EPB41L4A: variants seen among roughly 807,000 people sequenced by gnomAD.
EPB41L4A encodes the protein band 4.1-like protein 4A.
EPB41L4A carries 100 observed loss-of-function variants against 108.6 expected under a neutral mutation model. The observed-to-expected ratio is 0.92, with a 90% CI of 0.78 to 1.09. The LOEUF (loss-of-function observed/expected upper bound fraction) is 1.09. EPB41L4A is among the 50% of genes least tolerant of loss of function. EPB41L4A has a pLI of 0.00. For synonymous variants in EPB41L4A, 319 were observed against 289.0 expected (o/e 1.10, Z -1.05); for missense variants, 1,030 against 842.7 (o/e 1.22, Z -2.75).
intron 4 of EPB41L4A, among the ~76,000 whole-genome samples, chr5:112,269,743 G>A (rs1287537121): frequency 6.6e-6 from 1 of 152,154 alleles, no homozygotes; most frequent in Admixed American, 6.5e-5. Context: ...CCATACTGGG[G>A]AAAAATGCTA....
At chr5:112,214,534 C>T (rs920183009) in intron 12 of EPB41L4A, among the ~76,000 whole-genome samples, 26 of 152,130 alleles carry the variant, frequency 1.7e-4, no homozygotes, top group African/African-American at 5.5e-4. Flanking sequence ...GAGGCCGAGG[C>T]GGGCGGATCA....
chr5:112,370,008 T>C (rs1759383381), intron 1 of EPB41L4A, among the ~76,000 whole-genome samples: 1 of 152,142 alleles, frequency 6.6e-6, no homozygotes, highest in Non-Finnish European at 1.5e-5. Context: ...GCAACTTTTC[T>C]GTCTTCCAAA....
chr5:112,240,911 A>G, intron 9 of EPB41L4A, 101 bp from the exon 10 acceptor site: 1 of 651,802 alleles, frequency 1.5e-6, no homozygotes, highest in Non-Finnish European at 2.6e-6. Flanking sequence ...TCAAGCAGAG[A>G]GATTATTGAT....
chr5:112,313,030 A>ATATT (rs765224336), intron 1 of EPB41L4A, among the ~76,000 whole-genome samples: 27 of 152,222 alleles, frequency 1.8e-4, no homozygotes, highest in Admixed American at 2.0e-4. Context: ...ATTCATTGAA[A>ATATT]TATTTATTTA....
At chr5:112,322,302 C>T (rs773154077) in intron 1 of EPB41L4A, among the ~76,000 whole-genome samples, 2 of 152,204 alleles carry the variant, frequency 1.3e-5, no homozygotes, top group Non-Finnish European at 2.9e-5. Flanking sequence ...AATACGCATA[C>T]AGAGCCAGGA....
At chr5:112,401,828 C>A (rs1056086540) in intron 1 of EPB41L4A, among the ~76,000 whole-genome samples, 1 of 152,176 alleles carries the variant, frequency 6.6e-6, no homozygotes, top group South Asian at 2.1e-4. Flanking sequence ...TCAGCCTAAG[C>A]AATTTTTACT....
Position 112,227,086 on chromosome 5 carries a change from C to T in EPB41L4A, c.1087+7548G>A, listed in dbSNP as rs1471906602. Among the ~76,000 whole-genome samples the T allele has an allele frequency of 5.9e-5, 9 of 152,066 alleles. No homozygotes were observed. The East Asian group carries it at 1.7e-3, about 29-fold the overall frequency. On this transcript the variant is annotated intron_variant, in intron 12 of 22. Coordinates refer to ENST00000261486, the MANE Select transcript of EPB41L4A (RefSeq NM_022140.5). ...ATCCTGATACTGCTCCCAACAGCTG[C>T]CCTGGGGTGCTAAAATCTGTAGGCA...
At chr5:112,376,840 ACAGAGAATAGATTCTTGGTTGC>A (rs1488770006) in intron 1 of EPB41L4A, among the ~76,000 whole-genome samples, 3 of 151,608 alleles carry the variant, frequency 2.0e-5, no homozygotes, top group African/African-American at 7.3e-5. Flanking sequence ...AATTATAGAA[ACAGAGAATAGATTCTTGGTTGC>A]CAGAGTTTAA....
chr5:112,296,119 G>A (rs1753970421), intron 2 of EPB41L4A, among the ~76,000 whole-genome samples: 1 of 152,036 alleles, frequency 6.6e-6, no homozygotes, highest in African/African-American at 2.4e-5. Context: ...TAAGCCAAAT[G>A]AACTAAATCT....
At chr5:112,228,119 C>A (rs1406505278) in intron 12 of EPB41L4A, among the ~76,000 whole-genome samples, 2 of 152,186 alleles carry the variant, frequency 1.3e-5, no homozygotes, top group Admixed American at 1.3e-4. Flanking sequence ...ACCACTCACA[C>A]CAGCTCTGTC....
downstream of EPB41L4A, chr5:112,161,801 T>G: frequency 3.2e-6 from 1 of 309,802 alleles, no homozygotes; most frequent in South Asian, 2.7e-5. Flanking sequence ...TTAAAGCACT[T>G]TGTAATGGGA....
intron 17 of EPB41L4A, among the ~76,000 whole-genome samples, chr5:112,187,172 G>A (rs11951612): frequency 0.014 from 2,156 of 152,236 alleles, 48 homozygotes; most frequent in African/African-American, 0.049. Flanking sequence ...AAAAGAGTCC[G>A]TTGTCATTTA....
intron 19 of EPB41L4A, 51 bp downstream of exon 19, chr5:112,170,894 C>T: frequency 6.6e-7 from 1 of 1,516,026 alleles, no homozygotes; most frequent in South Asian, 1.1e-5. Flanking sequence ...CTTGCAATTG[C>T]ATTAAAACTA....
intron 1 of EPB41L4A, among the ~76,000 whole-genome samples, chr5:112,352,798 A>G (rs1371729322): frequency 6.6e-6 from 1 of 152,184 alleles, no homozygotes; most frequent in East Asian, 1.9e-4. Context: ...CACTACATTG[A>G]ATACTCTTTA....
rs999268789 is a variant in EPB41L4A at position 112,162,907 on chromosome 5, G to A, written c.*2083C>T. 5.9e-5 allele frequency: 9 copies of A among 152,232 alleles called. No homozygotes were observed. The highest frequency in any genetic ancestry group is 2.2e-4 in the African/African-American group (9 of 41,440). The allele number at this position is 152,232 out of a possible 1,614,324, so 9.4% of individuals were successfully genotyped here. A position where few individuals can be genotyped will look rare whatever the true frequency, so the allele number is the denominator to read the frequency against. ...AGATACCGTTAGTCCACTTACTTTT[G>A]AGACAGTTTTGGCTGCTTTCCCTCT... On this transcript the variant is annotated 3_prime_UTR_variant, in exon 23 of 23. Transcript: ENST00000261486.
intron 1 of EPB41L4A, among the ~76,000 whole-genome samples, chr5:112,310,778 C>A (rs1754998281): frequency 6.6e-6 from 1 of 151,972 alleles, no homozygotes; most frequent in Non-Finnish European, 1.5e-5. Flanking sequence ...CAAACAATCC[C>A]CCTATTTGAG....
chr5:112,375,925 CTG>C, intron 1 of EPB41L4A, among the ~76,000 whole-genome samples: 1 of 152,276 alleles, frequency 6.6e-6, no homozygotes, highest in South Asian at 2.1e-4. Flanking sequence ...CTGACAATGT[CTG>C]TGCCTCCAAG....
chr5:112,203,427 AC>A (rs528004422), intron 15 of EPB41L4A, among the ~76,000 whole-genome samples: 222 of 152,284 alleles, frequency 1.5e-3, no homozygotes, highest in African/African-American at 5.1e-3. Context: ...TTATGTAGGT[AC>A]TCAAAATAAA....
At chr5:112,408,133 T>G (rs1446820864) in intron 1 of EPB41L4A, among the ~76,000 whole-genome samples, 1 of 152,156 alleles carries the variant, frequency 6.6e-6, no homozygotes, top group Non-Finnish European at 1.5e-5. Context: ...ATTTTTTTTA[T>G]AAGGGTGCCA....
Sources: allele counts gnomAD v4.1 joint callset (sites outside exome capture counted in the v4.1 genomes callset), GRCh38; gene constraint gnomAD v4.1.1; transcripts MANE v1.5; gene names NCBI Gene and HGNC (gene_info 2026-07-23, HGNC 2026-07-21).